Variants in VPS13C observed in about 807,000 individuals in gnomAD.
VPS13C encodes the protein intermembrane lipid transfer protein VPS13C.
In VPS13C, 358 loss-of-function variants were observed where a neutral mutation model predicts 456.8. That is an observed-to-expected ratio of 0.78 (90% CI 0.72 to 0.86). The LOEUF is 0.86. VPS13C is among the 40% of genes least tolerant of loss of function. VPS13C has a pLI of 0.00. For synonymous variants in VPS13C, 1,578 were observed against 1,486.7 expected, an observed-to-expected ratio of 1.06 and a Z score of -1.41; for missense variants, 4,818 against 4,385.4, an observed-to-expected ratio of 1.10 and a Z score of -2.79.
At chr15:61,881,895 G>A in intron 69 of VPS13C, 67 bp from the exon 70 acceptor site, 2 of 1,392,568 alleles carry the variant, frequency 1.4e-6, no homozygotes, top group Non-Finnish European at 9.7e-7. Flanking sequence ...CAAAGATAAT[G>A]TTATAGAAGA....
chr15:61,914,616 A>G (rs2043404563), intron 61 of VPS13C, among the ~76,000 whole-genome samples: 1 of 150,802 alleles, frequency 6.6e-6, no homozygotes, highest in African/African-American at 2.4e-5. Flanking sequence ...CTGGAGTGCA[A>G]TGGTGCAGTG....
At chr15:61,866,647 C>G (rs1894615842) in intron 81 of VPS13C, 1 of 984,946 alleles carries the variant, frequency 1.0e-6, no homozygotes, top group Admixed American at 6.2e-5. Context: ...TATCTAGGCA[C>G]AAGAAAGGTT....
At chr15:61,862,123 A>G (rs1307220710) in intron 82 of VPS13C, among the ~76,000 whole-genome samples, 1 of 152,038 alleles carries the variant, frequency 6.6e-6, no homozygotes, top group Non-Finnish European at 1.5e-5. Context: ...AAAAGGAAAA[A>G]GAAAAGAAAA....
At chr15:61,865,698 G>T in intron 81 of VPS13C, 1 of 376,670 alleles carries the variant, frequency 2.7e-6, no homozygotes, top group Non-Finnish European at 3.6e-6. Flanking sequence ...GTATATATAT[G>T]TGTGTATATG....
At chr15:62,043,501 G>T (rs904172221) in intron 2 of VPS13C, among the ~76,000 whole-genome samples, 1 of 152,194 alleles carries the variant, frequency 6.6e-6, no homozygotes, top group African/African-American at 2.4e-5. Flanking sequence ...AGCTACTAGG[G>T]AGGCTGAGGC....
At position 61,863,482 on chromosome 15, in the gene VPS13C, G is replaced by C. The variant is rs1894337812; in HGVS notation, c.10910C>G (p.Ala3637Gly). The change falls in exon 82 of 85, where the codon GCT becomes GGT. Residue 3637 changes from alanine to glycine, a missense_variant. Physicochemically the swap from Ala to Gly is moderately conservative, Grantham distance 60. Coordinates refer to ENST00000644861, the MANE Select transcript of VPS13C (RefSeq NM_020821.3). ...LEGETYRYHC[A>G]IPGSKKTILM... ...GATTGTCTTCTTGCTTCCAGGAATA[G>C]CACAGTGGTATCGGTAAGTCTCTCC... 1.2e-6 allele frequency: 2 copies of C among 1,612,854 alleles called. No homozygotes were observed. The highest frequency in any genetic ancestry group is 1.7e-6 in the Non-Finnish European group (2 of 1,179,234).
chr15:61,992,709 A>G (rs1040025550), intron 16 of VPS13C, among the ~76,000 whole-genome samples: 2 of 152,154 alleles, frequency 1.3e-5, no homozygotes, highest in African/African-American at 4.8e-5. Flanking sequence ...ATGAAAGTAA[A>G]TGACAAATCA....
chr15:61,869,763 A>G, intron 79 of VPS13C, 140 bp from the exon 80 acceptor site: 2 of 1,402,876 alleles, frequency 1.4e-6, no homozygotes, highest in Non-Finnish European at 1.9e-6. Context: ...AGTTAAATGT[A>G]ATCCTAATGT....
At position 61,952,016 on chromosome 15, in the gene VPS13C, C is replaced by T. The variant is rs547144837; in HGVS notation, c.4300-36G>A. On this transcript the variant is annotated intron_variant, in intron 38 of 84. Coordinates refer to ENST00000644861, the MANE Select transcript of VPS13C (RefSeq NM_020821.3). ...GTACCAGTATTACCACCAACTATTTCACCAATATGCAATGAAGGTAAGTCA... is the reference window on the plus strand; with the variant it reads ...GTACCAGTATTACCACCAACTATTTTACCAATATGCAATGAAGGTAAGTCA... The T allele has an allele frequency of 1.6e-5, 25 of 1,594,966 alleles. No individual in the cohort carries two copies. In the South Asian group the frequency reaches 2.4e-4, roughly 15 times the overall value.
chr15:61,921,126 T>C (rs1463890976), intron 55 of VPS13C, among the ~76,000 whole-genome samples: 1 of 152,148 alleles, frequency 6.6e-6, no homozygotes, highest in Non-Finnish European at 1.5e-5. Context: ...GCTTCTGTTC[T>C]AGTAGTATTT....
chr15:61,876,044 G>C (rs1895399574), intron 75 of VPS13C, among the ~76,000 whole-genome samples, 199 bp from the exon 76 acceptor site: 1 of 152,044 alleles, frequency 6.6e-6, no homozygotes, highest in South Asian at 2.1e-4. Context: ...TTTTAAATTA[G>C]ACAGAACTAG....
intron 47 of VPS13C, among the ~76,000 whole-genome samples, chr15:61,937,637 G>T (rs2044272259): frequency 6.6e-6 from 1 of 152,140 alleles, no homozygotes; most frequent in Non-Finnish European, 1.5e-5. Flanking sequence ...ACCACGCCCG[G>T]CTAATTTTTT....
intron 66 of VPS13C, among the ~76,000 whole-genome samples, chr15:61,890,723 G>A (rs1287551214): frequency 3.3e-5 from 5 of 152,116 alleles, no homozygotes; most frequent in African/African-American, 9.7e-5. Context: ...TCTCCAAGCC[G>A]GAAAACAGAA....
chr15:61,868,410 A>G (rs1000404323), intron 81 of VPS13C, among the ~76,000 whole-genome samples: 1 of 152,312 alleles, frequency 6.6e-6, no homozygotes, highest in South Asian at 2.1e-4. Flanking sequence ...AAATAGTGAT[A>G]TAGCCTATGA....
At chr15:62,059,748 T>C (rs2140832287) in intron 1 of VPS13C, among the ~76,000 whole-genome samples, 1 of 152,264 alleles carries the variant, frequency 6.6e-6, no homozygotes, top group African/African-American at 2.4e-5. Context: ...ATCTTAAAGA[T>C]CTCCTGCCCG....
chr15:61,857,408 A>T (rs887878445), intron 82 of VPS13C, among the ~76,000 whole-genome samples: 2 of 152,130 alleles, frequency 1.3e-5, no homozygotes, highest in Non-Finnish European at 1.5e-5. Flanking sequence ...GCCCAGACAA[A>T]AGGAGGAACA....
chr15:61,852,993 T>C lies in VPS13C; in HGVS notation c.*1464A>G, dbSNP rs1893724421. The C allele has an allele frequency of 6.6e-6, 1 of 152,158 alleles. No homozygotes were observed. The highest frequency in any genetic ancestry group is 1.5e-5 in the Non-Finnish European group (1 of 68,020). 9.4% of individuals were successfully genotyped at this position (152,158 alleles called of 1,614,324 possible). A position where few individuals can be genotyped will look rare whatever the true frequency, so the allele number is the denominator to read the frequency against. ...TCTCCATGAATTCAGTGATTTGAAATAAATGTTGTTATGTTAAACATTATG... is the reference window on the plus strand; with the variant it reads ...TCTCCATGAATTCAGTGATTTGAAACAAATGTTGTTATGTTAAACATTATG... On this transcript the variant is annotated 3_prime_UTR_variant, in exon 85 of 85. Coordinates refer to ENST00000644861, the MANE Select transcript of VPS13C (RefSeq NM_020821.3).
chr15:61,964,796 G>A lies in VPS13C; in HGVS notation c.3117C>T (p.Leu1039=), dbSNP rs1184009684. The change falls in exon 31 of 85, where the codon CTC becomes CTT. Residue 1039 remains leucine, a synonymous_variant. Coordinates refer to ENST00000644861, the MANE Select transcript of VPS13C (RefSeq NM_020821.3). Reference sequence around the variant, plus strand: ...GATCATCAGATGGAATAATGGTTGTGAGGTAATTAATAGAAGCGACAAGAG... The same window carrying A: ...GATCATCAGATGGAATAATGGTTGTAAGGTAATTAATAGAAGCGACAAGAG... ...TQALVASINY[L]TTIIPSDDQS... is the part of the protein sequence containing the mutation. 1 of 1,612,554 alleles carries A rather than the reference G, an allele frequency of 6.2e-7. No individual in the cohort carries two copies. The highest frequency in any genetic ancestry group is 2.2e-5 in the East Asian group (1 of 44,836).
intron 12 of VPS13C, among the ~76,000 whole-genome samples, chr15:62,011,548 T>C (rs1229477968): frequency 1.3e-5 from 2 of 151,452 alleles, no homozygotes; most frequent in African/African-American, 4.8e-5. Flanking sequence ...CATAAAGGGG[T>C]ATACTAATAA....
Sources: allele counts gnomAD v4.1 joint callset (sites outside exome capture counted in the v4.1 genomes callset), GRCh38; gene constraint gnomAD v4.1.1; transcripts MANE v1.5; gene names NCBI Gene and HGNC (gene_info 2026-07-23, HGNC 2026-07-21).